KCNQ3: variants seen among roughly 807,000 people sequenced by gnomAD.
KCNQ3 encodes potassium voltage-gated channel subfamily KQT member 3.
KCNQ3 carries 30 observed loss-of-function variants against 92.5 expected under a neutral mutation model. The observed-to-expected ratio is 0.32, with a 90% CI of 0.24 to 0.44. KCNQ3 has a LOEUF of 0.44. Ranked by LOEUF, KCNQ3 falls within the 20% of genes least tolerant of loss-of-function variation. The probability of loss-of-function intolerance (pLI) is 1.00; values close to 1 mark genes in which losing one functional copy is unlikely to be tolerated. For missense variants in KCNQ3, 913 were observed against 1,140.3 expected (o/e 0.80, Z 2.87); for synonymous variants, 450 against 468.8 (o/e 0.96, Z 0.52).
chr8:132,309,102 GAA>G lies in KCNQ3; in HGVS notation c.387-122923_387-122922del, dbSNP rs577048626. Among the ~76,000 whole-genome samples the G allele has an allele frequency of 2.1e-3, 315 of 152,254 alleles. 1 individual carries two copies. The highest frequency in any genetic ancestry group is 7.3e-3 in the African/African-American group (304 of 41,552). On this transcript the variant is annotated intron_variant, in intron 1 of 14. Transcript: ENST00000388996. Reference sequence around the variant, plus strand: ...AGAATAAAAGCAGGCAGAAGAGCATGAAAAGACTAGACTGGTTTAGACTTCTG... The same window carrying G: ...AGAATAAAAGCAGGCAGAAGAGCATGAAGACTAGACTGGTTTAGACTTCTG...
At chr8:132,179,536 A>G (rs531932258) in intron 4 of KCNQ3, among the ~76,000 whole-genome samples, 12 of 152,272 alleles carry the variant, frequency 7.9e-5, no homozygotes, top group African/African-American at 2.9e-4. Flanking sequence ...CTTGTCAAGC[A>G]CTAAGTTGTA....
intron 1 of KCNQ3, among the ~76,000 whole-genome samples, chr8:132,443,553 T>C (rs1467140063): frequency 1.3e-5 from 2 of 151,590 alleles, no homozygotes. Flanking sequence ...AAATCCATCA[T>C]CCCCCACTAC....
Position 132,180,241 on chromosome 8 carries a change from G to A in KCNQ3, c.693C>T (p.Phe231=), listed in dbSNP as rs1423360520. Residue 231 remains phenylalanine (F), a synonymous_variant, in exon 4 of 15, where the codon TTC becomes TTT. Transcript: ENST00000388996. ...TCCGCAGCATGCGCAGGATCTGCAG[G>A]AAGCGCAGGCTTCGCAGGGAGGTGG... ...VLATSLRSLR[F]LQILRMLRMD... is the part of the protein sequence containing the mutation. 1.2e-6 allele frequency: 2 copies of A among 1,614,210 alleles called. No individual in the cohort carries two copies. The highest frequency in any genetic ancestry group is 2.2e-5 in the East Asian group (1 of 44,880).
chr8:132,456,205 A>G (rs2130854107), intron 1 of KCNQ3, among the ~76,000 whole-genome samples: 1 of 152,126 alleles, frequency 6.6e-6, no homozygotes, highest in East Asian at 1.9e-4. Flanking sequence ...CACAAGCCAC[A>G]TTTTCATCCA....
chr8:132,163,027 A>G (rs1443555020), intron 9 of KCNQ3, among the ~76,000 whole-genome samples: 1 of 152,176 alleles, frequency 6.6e-6, no homozygotes, highest in Non-Finnish European at 1.5e-5. Flanking sequence ...TCAACTTACC[A>G]TCTGTGAGCC....
chr8:132,300,966 C>T (rs1817196458), intron 1 of KCNQ3, among the ~76,000 whole-genome samples: 1 of 152,072 alleles, frequency 6.6e-6, no homozygotes, highest in Admixed American at 6.6e-5. Context: ...TAACTTGATG[C>T]CATAACAAGG....
intron 9 of KCNQ3, among the ~76,000 whole-genome samples, chr8:132,155,075 A>G (rs1430901274): frequency 1.3e-5 from 2 of 152,146 alleles, no homozygotes; most frequent in South Asian, 2.1e-4. Context: ...AGAGCTTAAG[A>G]GTTTCCTTCC....
intron 5 of KCNQ3, among the ~76,000 whole-genome samples, chr8:132,174,979 G>A (rs866094758): frequency 1.3e-5 from 2 of 152,196 alleles, no homozygotes; most frequent in Non-Finnish European, 2.9e-5. Context: ...GCTAATGATA[G>A]AAGTTGTTTG....
rs138882079 is a variant in KCNQ3, at chr8:132,210,280, C to G, written c.387-24099G>C. On this transcript the variant is annotated intron_variant, in intron 1 of 14. Coordinates refer to ENST00000388996, the MANE Select transcript of KCNQ3 (RefSeq NM_004519.4). Reference sequence around the variant, plus strand: ...AAATCACCAGCTCACATCGTGGGCTCTGGAGTCTGACTGTGTGGATGTGAG... The same window carrying G: ...AAATCACCAGCTCACATCGTGGGCTGTGGAGTCTGACTGTGTGGATGTGAG... 1.1e-3 allele frequency among the ~76,000 whole-genome samples: 167 copies of G among 152,304 alleles called. 1 individual carries two copies. Among genetic ancestry groups the G allele is most frequent in the African/African-American group, 3.7e-3 (152 of 41,570 alleles).
chr8:132,267,065 G>A (rs1413700784), intron 1 of KCNQ3, among the ~76,000 whole-genome samples: 2 of 152,136 alleles, frequency 1.3e-5, no homozygotes. Flanking sequence ...GGGAAGGAAG[G>A]AACCCTGGGT....
At chr8:132,290,257 T>G (rs1816800794) in intron 1 of KCNQ3, among the ~76,000 whole-genome samples, 1 of 152,128 alleles carries the variant, frequency 6.6e-6, no homozygotes, top group South Asian at 2.1e-4. Flanking sequence ...TTCCTTGAGG[T>G]CTAGCCAAAG....
chr8:132,279,906 G>A (rs1291965350), intron 1 of KCNQ3, among the ~76,000 whole-genome samples: 2 of 152,134 alleles, frequency 1.3e-5, no homozygotes, highest in Non-Finnish European at 2.9e-5. Context: ...GGCTTCTCAA[G>A]GGAGATCCTG....
rs145243580 is a variant in KCNQ3 at position 132,159,755 on chromosome 8, T to A, written c.1262+3713A>T. ...TCCCACCCTCTCTGATGGCTGCCTA[T>A]GTGAACCAGTACACCTCCCTCAGTT... On this transcript the variant is annotated intron_variant, in intron 9 of 14. Coordinates refer to ENST00000388996, the MANE Select transcript of KCNQ3 (RefSeq NM_004519.4). 2.5e-4 allele frequency among the ~76,000 whole-genome samples: 38 copies of A among 152,318 alleles called. No homozygotes were observed. In the East Asian group the frequency reaches 6.9e-3, roughly 28 times the overall value.
At chr8:132,183,849 C>T (rs1038773343) in intron 3 of KCNQ3, among the ~76,000 whole-genome samples, 5 of 152,178 alleles carry the variant, frequency 3.3e-5, no homozygotes, top group Admixed American at 2.6e-4. Context: ...AACGGTGTCA[C>T]GCCTACAGCT....
At position 132,125,082 on chromosome 8, in the gene KCNQ3, T is replaced by C. The variant is rs1011531885; in HGVS notation, c.*4180A>G. On this transcript the variant is annotated 3_prime_UTR_variant, in exon 15 of 15. Coordinates refer to ENST00000388996, the MANE Select transcript of KCNQ3 (RefSeq NM_004519.4). The stretch of plus-strand genomic sequence containing the variant: ...AATGAAAGTAACTCAGCTCCTTGAC[T>C]GGTATCAATCTTAGCAGGGATTAGG... The C allele has an allele frequency of 2.6e-5, 4 of 152,220 alleles. No homozygotes were observed. Among genetic ancestry groups the C allele is most frequent in the African/African-American group, 9.6e-5 (4 of 41,458 alleles). The allele number at this position is 152,220 out of a possible 1,614,324, so 9.4% of individuals were successfully genotyped here.
In KCNQ3 at chr8:132,400,266, C is replaced by A. The variant is rs150942087; in HGVS notation, c.386+79881G>T. Among the ~76,000 whole-genome samples the A allele has an allele frequency of 9.8e-4, 149 of 152,334 alleles. No individual in the cohort carries two copies. The Middle Eastern group carries it at 0.01, about 10-fold the overall frequency. Reference sequence around the variant, plus strand: ...AGCTAAATATGAGCTCAAATCCTATCCACTTCTAACATTACCTGACACAGA... The same window carrying A: ...AGCTAAATATGAGCTCAAATCCTATACACTTCTAACATTACCTGACACAGA... On this transcript the variant is annotated intron_variant, in intron 1 of 14. Transcript: ENST00000388996.
At chr8:132,180,064 C>T in intron 4 of KCNQ3, 93 bp downstream of exon 4, 3 of 1,370,104 alleles carry the variant, frequency 2.2e-6, no homozygotes, top group South Asian at 1.2e-5. Flanking sequence ...AGAATGACTG[C>T]CTTCTGGGGA....
chr8:132,448,174 T>C (rs77011091), intron 1 of KCNQ3, among the ~76,000 whole-genome samples: 6,211 of 152,266 alleles, frequency 0.041, 164 homozygotes, highest in Admixed American at 0.063. Flanking sequence ...TGCCATCTTA[T>C]GATCCTTTCA....
At chr8:132,477,642 A>T (rs1822445648) in intron 1 of KCNQ3, among the ~76,000 whole-genome samples, 1 of 152,194 alleles carries the variant, frequency 6.6e-6, no homozygotes, top group Non-Finnish European at 1.5e-5. Context: ...AATTTATCAG[A>T]ATCCGCAATC....
Sources: gnomAD v4.1 joint callset for allele counts (sites outside exome capture counted in the v4.1 genomes callset) on GRCh38, gnomAD v4.1.1 for gene constraint, MANE v1.5 for transcripts, NCBI Gene and HGNC (gene_info 2026-07-23, HGNC 2026-07-21) for gene names.